INO80: variants seen among roughly 807,000 people sequenced by gnomAD.
INO80 encodes the protein INO80 complex ATPase subunit.
Under a neutral mutation model 203.4 loss-of-function variants are expected in INO80, and 20 were observed. The ratio of observed to expected loss-of-function variants is 0.10; its 90% CI spans 0.07 to 0.14. INO80 has a LOEUF of 0.14. Among genes scored for constraint, INO80 ranks in the 10% least tolerant of loss-of-function variants. INO80 has a pLI of 1.00. For missense variants in INO80, 1,419 were observed against 1,914.4 expected, an observed-to-expected ratio of 0.74 and a Z score of 4.83; for synonymous variants, 726 against 685.2, an observed-to-expected ratio of 1.06 and a Z score of -0.93.
At position 41,073,418 on chromosome 15, in the gene INO80, G is replaced by A; in HGVS notation, c.1395+10C>T. On this transcript the variant is annotated intron_variant, in intron 11 of 35. Transcript: ENST00000648947. ...CCAATTACAGTAAACCTTTCTATCT[G>A]AAGACTCACCCGAGCTTGGTGAATA... is the stretch of plus-strand genomic sequence containing the variant. 1.2e-6 allele frequency: 2 copies of A among 1,611,814 alleles called. No individual in the cohort carries two copies. The highest frequency in any genetic ancestry group is 1.7e-6 in the Non-Finnish European group (2 of 1,177,892).
At chr15:41,076,044 G>A (rs1312509844) in intron 9 of INO80, among the ~76,000 whole-genome samples, 3 of 152,094 alleles carry the variant, frequency 2.0e-5, no homozygotes, top group African/African-American at 7.2e-5. Flanking sequence ...CTACAGGAAG[G>A]AACAAAATAC....
At chr15:41,028,379 G>T (rs963165512) in intron 24 of INO80, among the ~76,000 whole-genome samples, 1 of 152,014 alleles carries the variant, frequency 6.6e-6, no homozygotes, top group African/African-American at 2.4e-5. Context: ...CAGGTGATCC[G>T]CCTGCCTTGG....
chr15:40,981,098 A>G (rs1005922889), intron 35 of INO80, among the ~76,000 whole-genome samples: 10 of 152,182 alleles, frequency 6.6e-5, no homozygotes, highest in African/African-American at 2.4e-4. Context: ...TGATTCTTCA[A>G]TTGTTTCATA....
chr15:40,997,667 G>A (rs1170127130), intron 28 of INO80, 66 bp from the exon 29 acceptor site: 1 of 1,029,920 alleles, frequency 9.7e-7, no homozygotes, highest in Non-Finnish European at 1.5e-6. Context: ...TATCAATAGA[G>A]AGAGATCTCT....
chr15:41,007,166 CTCTTTTTTTTTTTT>C (rs1438962137), intron 27 of INO80, among the ~76,000 whole-genome samples: 13 of 145,070 alleles, frequency 9.0e-5, no homozygotes, highest in African/African-American at 2.3e-4. Flanking sequence ...TGCACAGGCA[CTCTTTTTTTTTTTT>C]TCTTTTTTTT....
At chr15:40,986,924 T>C (rs372096580) in intron 31 of INO80, among the ~76,000 whole-genome samples, 167 bp downstream of exon 31, 129 of 152,344 alleles carry the variant, frequency 8.5e-4, no homozygotes, top group African/African-American at 2.9e-3. Context: ...TGAGCCACCA[T>C]GCCTGGCCTA....
intron 1 of INO80, chr15:41,109,216 G>C (rs976723654): frequency 6.6e-6 from 1 of 152,350 alleles, no homozygotes; most frequent in Non-Finnish European, 1.5e-5. Flanking sequence ...CACTTTGGGA[G>C]GCTGAGGCAG....
intron 13 of INO80, 39 bp from the exon 14 acceptor site, chr15:41,069,704 G>A: frequency 8.7e-7 from 1 of 1,145,502 alleles, no homozygotes; most frequent in East Asian, 2.4e-5. Flanking sequence ...TACAGGAAAA[G>A]GGAAGGTATT....
At chr15:41,096,985 C>A (rs939319381) in intron 1 of INO80, among the ~76,000 whole-genome samples, 2 of 152,222 alleles carry the variant, frequency 1.3e-5, no homozygotes, top group Non-Finnish European at 2.9e-5. Context: ...ATTCTCTTTG[C>A]TACCTTACAT....
chr15:41,025,048 T>C lies in INO80; in HGVS notation c.3048+2548A>G, dbSNP rs557942095. Among the ~76,000 whole-genome samples the C allele has an allele frequency of 6.6e-5, 10 of 152,330 alleles. No homozygotes were observed. In the South Asian group the frequency reaches 1.9e-3, roughly 28 times the overall value. On this transcript the variant is annotated intron_variant, in intron 25 of 35. Coordinates refer to ENST00000648947, the MANE Select transcript of INO80 (RefSeq NM_017553.3). ...CCATTTTCAGGTTTAGCACATACTA[T>C]GTAAAGAAACTCTACAAACATGGGA...
At chr15:41,058,596 C>T (rs776985017) in intron 16 of INO80, 43 bp downstream of exon 16, 3 of 1,500,420 alleles carry the variant, frequency 2.0e-6, no homozygotes, top group East Asian at 4.6e-5. Context: ...TGTGTGTGTA[C>T]TTAACCCAAT....
chr15:41,114,744 C>G (rs480549), intron 1 of INO80, among the ~76,000 whole-genome samples: 17,806 of 151,490 alleles, frequency 0.12, 3,133 homozygotes, highest in African/African-American at 0.38. Flanking sequence ...GTACTGATAC[C>G]TGCTACAACA....
In INO80 at chr15:41,048,249, T is replaced by A; in HGVS notation, c.2604A>T (p.Ala868=). 4 of 1,613,490 alleles carry A rather than the reference T, an allele frequency of 2.5e-6. No individual in the cohort carries two copies. Among genetic ancestry groups the A allele is most frequent in the Non-Finnish European group, 3.4e-6 (4 of 1,179,580 alleles). ...AGAGAGACCGTTGGATATAGTCTGG[T>A]GCAAATGGAGAAAGAACCCTTAACC... The part of the protein sequence containing the change: ...DRWLRVLSPF[A]PDYIQRSLFH... The change falls in exon 22 of 36, where the codon GCA becomes GCT. Residue 868 remains alanine (A), a synonymous_variant. Transcript: ENST00000648947.
chr15:41,052,410 T>A (rs1156998877), intron 19 of INO80, among the ~76,000 whole-genome samples: 3 of 152,056 alleles, frequency 2.0e-5, no homozygotes, highest in Admixed American at 2.0e-4. Flanking sequence ...CGGTGGCTCA[T>A]GCTTATAGTC....
intron 14 of INO80, among the ~76,000 whole-genome samples, chr15:41,062,832 C>T (rs937827058): frequency 2.9e-4 from 44 of 152,142 alleles, no homozygotes; most frequent in African/African-American, 1.0e-3. Context: ...CCCTCTGGAA[C>T]TATAACAAAT....
At chr15:41,034,955 T>C (rs2044546728) in intron 24 of INO80, among the ~76,000 whole-genome samples, 1 of 152,154 alleles carries the variant, frequency 6.6e-6, no homozygotes, top group African/African-American at 2.4e-5. Flanking sequence ...AATACAGAGC[T>C]TGCAATGAAA....
chr15:41,009,967 T>C (rs1051864887), intron 27 of INO80, among the ~76,000 whole-genome samples: 15 of 152,098 alleles, frequency 9.9e-5, no homozygotes, highest in African/African-American at 2.9e-4. Flanking sequence ...ACCCCTCTAA[T>C]ATATAAAATA....
intron 7 of INO80, among the ~76,000 whole-genome samples, chr15:41,083,419 A>G (rs1252520302): frequency 2.5e-4 from 38 of 152,150 alleles, no homozygotes; most frequent in Admixed American, 2.5e-3. Context: ...CAAAACATTA[A>G]AACAGGTTGG....
At chr15:41,087,434 G>A (rs887588511) in intron 6 of INO80, 128 bp downstream of exon 6, 3 of 998,992 alleles carry the variant, frequency 3.0e-6, no homozygotes, top group Non-Finnish European at 4.4e-6. Flanking sequence ...AATTAGAAAG[G>A]AGAGTTTTTC....
Sources: gnomAD v4.1 joint callset for allele counts (sites outside exome capture counted in the v4.1 genomes callset) on GRCh38, gnomAD v4.1.1 for gene constraint, MANE v1.5 for transcripts, NCBI Gene and HGNC (gene_info 2026-07-23, HGNC 2026-07-21) for gene names.